The following SGK3 variants were observed in gnomAD, a reference collection of about 807,000 sequenced individuals.
The protein encoded by SGK3 is serum/glucocorticoid regulated kinase family member 3.
A neutral mutation model predicts 68.5 loss-of-function variants in SGK3; 47 were observed. The ratio of observed to expected loss-of-function variants is 0.69; its 90% confidence interval spans 0.54 to 0.87. SGK3 has a LOEUF of 0.87. SGK3 is among the 40% of genes least tolerant of loss of function. The probability of loss-of-function intolerance (pLI) is 0.00; values close to 1 mark genes in which losing one functional copy is unlikely to be tolerated. For synonymous variants in SGK3, 181 were observed against 189.1 expected, an observed-to-expected ratio of 0.96 and a Z score of 0.35; for missense variants, 479 against 575.5, an observed-to-expected ratio of 0.83 and a Z score of 1.72.
intron 16 of SGK3, among the ~76,000 whole-genome samples, chr8:66,855,609 A>T (rs1299751917): frequency 1.3e-5 from 2 of 152,198 alleles, no homozygotes; most frequent in Non-Finnish European, 2.9e-5. Flanking sequence ...AACTGGGAAA[A>T]TTTTCCTTAA....
chr8:66,731,463 C>G (rs1055963184), intron 1 of SGK3, among the ~76,000 whole-genome samples: 2 of 152,266 alleles, frequency 1.3e-5, no homozygotes, highest in South Asian at 2.1e-4. Flanking sequence ...GTGGGCTATT[C>G]AAACCAAATT....
In SGK3 at chr8:66,859,434, C is replaced by A. The variant is rs368870320; in HGVS notation, c.1344C>A (p.Asn448Lys). The A allele has an allele frequency of 2.5e-6, 4 of 1,608,830 alleles. No individual in the cohort carries two copies. The highest frequency in any genetic ancestry group is 3.4e-6 in the Non-Finnish European group (4 of 1,176,588). The change falls in exon 17 of 17, where the codon AAC becomes AAA. Residue 448 changes from asparagine to lysine, a missense_variant. Coordinates refer to ENST00000521198, the MANE Select transcript of SGK3 (RefSeq NM_001033578.3). ...AGGCTGGACCAGATGATATCAGAAACTTTGACACAGCATTTACAGAAGAAA... is the reference window on the plus strand; with the variant it reads ...AGGCTGGACCAGATGATATCAGAAAATTTGACACAGCATTTACAGAAGAAA... Reference protein sequence around the residue: ...PNVAGPDDIRNFDTAFTEETV... With the variant: ...PNVAGPDDIRKFDTAFTEETV...
intron 1 of SGK3, among the ~76,000 whole-genome samples, chr8:66,734,535 A>T (rs1378506053): frequency 6.6e-6 from 1 of 152,144 alleles, no homozygotes; most frequent in Non-Finnish European, 1.5e-5. Flanking sequence ...TGGGTTTTCT[A>T]AAAAAATTTT....
chr8:66,775,617 T>A (rs1052796958), intron 1 of SGK3: 8 of 152,318 alleles, frequency 5.3e-5, no homozygotes, highest in Non-Finnish European at 1.0e-4. Context: ...ACACCCCCTC[T>A]AAATGTCGAG....
chr8:66,807,485 T>C (rs1476696702), intron 4 of SGK3, among the ~76,000 whole-genome samples: 2 of 152,208 alleles, frequency 1.3e-5, no homozygotes, highest in African/African-American at 4.8e-5. Flanking sequence ...AAAAACTGAT[T>C]TTTTTGAAGA....
chr8:66,786,979 C>T (rs6997204), intron 1 of SGK3, among the ~76,000 whole-genome samples: 3,869 of 134,598 alleles, frequency 0.029, 179 homozygotes, highest in African/African-American at 0.1. Context: ...ACTCTGTAAC[C>T]CAGGCTGGAG....
intron 8 of SGK3, among the ~76,000 whole-genome samples, chr8:66,832,838 A>G (rs75351400): frequency 0.02 from 3,105 of 151,958 alleles, 111 homozygotes; most frequent in African/African-American, 0.07. Context: ...TAGCGTCACA[A>G]TTCATTTTTT....
At chr8:66,777,994 T>G (rs546310654) in intron 1 of SGK3, 2 of 152,404 alleles carry the variant, frequency 1.3e-5, no homozygotes, top group South Asian at 4.1e-4. Flanking sequence ...GTTGCCTGTT[T>G]CTAGTGAGGA....
At chr8:66,786,925 CTTTTTTTTTT>C (rs71249407) in intron 1 of SGK3, among the ~76,000 whole-genome samples, 74 of 48,706 alleles carry the variant, frequency 1.5e-3, no homozygotes, top group Middle Eastern at 0.028. Context: ...TTTTCTCTGT[CTTTTTTTTTT>C]TTTTTTTTTT....
intron 15 of SGK3, among the ~76,000 whole-genome samples, chr8:66,849,539 T>G (rs1810175769): frequency 6.6e-6 from 1 of 152,098 alleles, no homozygotes; most frequent in Non-Finnish European, 1.5e-5. Flanking sequence ...CCTTATCTGG[T>G]CTTGACTCTT....
Position 66,828,827 on chromosome 8 carries a change from A to G in SGK3, c.467+124A>G, listed in dbSNP as rs950052970. 2.5e-6 allele frequency: 3 copies of G among 1,203,954 alleles called. No homozygotes were observed. In the African/African-American group the frequency reaches 4.5e-5, roughly 18 times the overall value. The allele number at this position is 1,203,954 out of a possible 1,614,324, so 74.6% of individuals were successfully genotyped here. On this transcript the variant is annotated intron_variant, in intron 7 of 16. Coordinates refer to ENST00000521198, the MANE Select transcript of SGK3 (RefSeq NM_001033578.3). ...GCCTTTGAAATATAACCATAGTTAC[A>G]GTGAATACAGTGCTGTCATATGCTT...
At chr8:66,744,483 G>GTATATATATATA (rs869176585) in intron 1 of SGK3, among the ~76,000 whole-genome samples, 5 of 40,754 alleles carry the variant, frequency 1.2e-4, no homozygotes, top group Non-Finnish European at 1.9e-4. Flanking sequence ...GTGTGTGTGT[G>GTATATATATATA]TATATATATA....
chr8:66,821,001 T>C (rs1327482597), intron 5 of SGK3, among the ~76,000 whole-genome samples: 5 of 152,160 alleles, frequency 3.3e-5, no homozygotes, highest in Non-Finnish European at 7.3e-5. Flanking sequence ...CCACCACTCC[T>C]GGCTAAGGCC....
intron 14 of SGK3, among the ~76,000 whole-genome samples, chr8:66,844,749 G>A (rs1201759861): frequency 2.0e-5 from 3 of 152,166 alleles, no homozygotes; most frequent in African/African-American, 7.2e-5. Flanking sequence ...GAAAACTGTG[G>A]CGCTTACAGT....
At chr8:66,783,581 G>GA (rs1425797136) in intron 1 of SGK3, among the ~76,000 whole-genome samples, 1 of 152,124 alleles carries the variant, frequency 6.6e-6, no homozygotes, top group African/African-American at 2.4e-5. Context: ...ACAGTGATGC[G>GA]ATCTTGGCTC....
rs567091025 is a variant in SGK3 at position 66,713,707 on chromosome 8, CTCTT to C, written c.-122+878_-122+881del. Among the ~76,000 whole-genome samples, 226 of 152,290 alleles carry C rather than the reference CTCTT, an allele frequency of 1.5e-3. 1 individual carries two copies. Among genetic ancestry groups the C allele is most frequent in the African/African-American group, 4.9e-3 (202 of 41,550 alleles). On this transcript the variant is annotated intron_variant, in intron 1 of 16. Transcript: ENST00000521198. ...TACATAGCCCTTACTATGCGCTGGG[CTCTT>C]TCTAAGTTCTTTATAAATATTAAAT...
intron 1 of SGK3, among the ~76,000 whole-genome samples, chr8:66,757,998 T>TACACACACACC (rs1554595355): frequency 1.5e-3 from 205 of 138,062 alleles, no homozygotes; most frequent in African/African-American, 6.0e-3. Context: ...TGTATATATA[T>TACACACACACC]ACACACACAC....
intron 4 of SGK3, among the ~76,000 whole-genome samples, chr8:66,810,232 A>C (rs1484071920): frequency 2.0e-5 from 3 of 152,172 alleles, no homozygotes; most frequent in African/African-American, 7.2e-5. Context: ...CACCAAAAAA[A>C]ACAAAACAAA....
chr8:66,813,334 G>GT (rs1020044921), intron 4 of SGK3, among the ~76,000 whole-genome samples: 2 of 152,116 alleles, frequency 1.3e-5, no homozygotes, highest in African/African-American at 4.8e-5. Flanking sequence ...TTTTTTTAAG[G>GT]TTTTTTGTTT....
Sources: gnomAD v4.1 joint callset for allele counts (sites outside exome capture counted in the v4.1 genomes callset) on GRCh38, gnomAD v4.1.1 for gene constraint, MANE v1.5 for transcripts, NCBI Gene and HGNC (gene_info 2026-07-23, HGNC 2026-07-21) for gene names.